UBE2F: variants seen among roughly 807,000 people sequenced by gnomAD.
UBE2F encodes ubiquitin conjugating enzyme E2 F (putative).
In UBE2F, 5 loss-of-function variants were observed where a neutral mutation model predicts 29.6. That is an observed-to-expected ratio of 0.17 (90% CI 0.09 to 0.36). UBE2F has a LOEUF of 0.36. Among genes scored for constraint, UBE2F ranks in the 10% least tolerant of loss-of-function variants. UBE2F has a pLI of 1.00. For missense variants in UBE2F, 141 were observed against 228.5 expected, an observed-to-expected ratio of 0.62 and a Z score of 2.47; for synonymous variants, 66 against 81.8, an observed-to-expected ratio of 0.81 and a Z score of 1.04.
In UBE2F at chr2:237,980,302, A is replaced by G. The variant is rs114052207; in HGVS notation, c.118+7077A>G. 2.0e-3 allele frequency among the ~76,000 whole-genome samples: 299 copies of G among 152,312 alleles called. 2 individuals carry two copies. The highest frequency in any genetic ancestry group is 6.8e-3 in the African/African-American group (282 of 41,564). On this transcript the variant is annotated intron_variant, in intron 2 of 9. Coordinates refer to ENST00000272930, the MANE Select transcript of UBE2F (RefSeq NM_080678.3). The stretch of plus-strand genomic sequence containing the variant: ...GCTTGGGCTGCTGTAACAAAGGACC[A>G]TAGATGGTTTGGCCTAAACAATAGG...
chr2:237,990,403 CT>C (rs759256844), intron 3 of UBE2F: 89,995 of 388,116 alleles, frequency 0.23, 42 homozygotes, highest in South Asian at 0.33. Flanking sequence ...ACATGTAAAC[CT>C]TTTTTTTTTT....
chr2:237,975,051 C>G (rs1032338985), intron 2 of UBE2F, among the ~76,000 whole-genome samples: 2 of 151,906 alleles, frequency 1.3e-5, no homozygotes, highest in Non-Finnish European at 2.9e-5. Context: ...GGATTACAGA[C>G]GTGAGCCACT....
intron 1 of UBE2F, among the ~76,000 whole-genome samples, chr2:237,968,291 A>G (rs2063102305): frequency 6.6e-6 from 1 of 152,130 alleles, no homozygotes; most frequent in South Asian, 2.1e-4. Context: ...CCTTTCAGGT[A>G]GTAGGCAGTG....
rs1211410617 is a variant in UBE2F, at chr2:237,967,041, T to C, written c.-108T>C. 2.3e-6 allele frequency: 3 copies of C among 1,297,258 alleles called. No individual in the cohort carries two copies. The highest frequency in any genetic ancestry group is 2.1e-5 in the South Asian group (1 of 48,118). 80.4% of individuals were successfully genotyped at this position (1,297,258 alleles called of 1,614,324 possible). A position where few individuals can be genotyped will look rare whatever the true frequency, so the allele number is the denominator to read the frequency against. ...TTCCGGTCCCGCCGCCGGGAGCCGG[T>C]GCGGCTGTGAGGGGCCGCGTCTCGC... On this transcript the variant is annotated 5_prime_UTR_variant, in exon 1 of 10. Transcript: ENST00000272930. The surrounding 1 kb of genome is among the most constrained non-coding windows in gnomAD (Gnocchi z 6.3).
chr2:237,995,546 T>G (rs531071484), intron 4 of UBE2F, among the ~76,000 whole-genome samples: 1 of 152,266 alleles, frequency 6.6e-6, no homozygotes, highest in South Asian at 2.1e-4. Context: ...GGTGGAAATA[T>G]AGGGTGTTAT....
chr2:237,971,227 T>G (rs1206590398), intron 1 of UBE2F, among the ~76,000 whole-genome samples: 2 of 152,232 alleles, frequency 1.3e-5, no homozygotes, highest in African/African-American at 2.4e-5. Flanking sequence ...AATTTTTAGA[T>G]CATTTTCTGT....
chr2:238,039,112 G>A (rs1453292413), intron 9 of UBE2F, among the ~76,000 whole-genome samples: 4 of 152,204 alleles, frequency 2.6e-5, no homozygotes, highest in African/African-American at 7.2e-5. Context: ...GCAGGCACTT[G>A]TAATTCCACC....
intron 2 of UBE2F, among the ~76,000 whole-genome samples, chr2:237,985,086 G>A (rs1268126200): frequency 6.6e-6 from 1 of 151,884 alleles, no homozygotes; most frequent in South Asian, 2.1e-4. Context: ...CTCCTGCCTC[G>A]GCCTCCCAAA....
chr2:238,040,028 C>T lies in UBE2F; in HGVS notation c.508-1260C>T, dbSNP rs2064805375. Among the ~76,000 whole-genome samples, 1 of 152,196 alleles carries T rather than the reference C, an allele frequency of 6.6e-6. No homozygotes were observed. Among genetic ancestry groups the T allele is most frequent in the African/African-American group, 2.4e-5 (1 of 41,446 alleles). Reference sequence around the variant, plus strand: ...GCGGGGTAAAGGCCCATGTGGGAGGCTCCAAACGCCATCCTGTAGACAAAT... The same window carrying T: ...GCGGGGTAAAGGCCCATGTGGGAGGTTCCAAACGCCATCCTGTAGACAAAT... On this transcript the variant is annotated intron_variant, in intron 9 of 9. Coordinates refer to ENST00000272930, the MANE Select transcript of UBE2F (RefSeq NM_080678.3). This position sits in a 1 kb window ranked among gnomAD's most constrained non-coding sequence, Gnocchi z 4.4.
At chr2:237,984,031 T>G (rs2063429333) in intron 2 of UBE2F, among the ~76,000 whole-genome samples, 1 of 149,982 alleles carries the variant, frequency 6.7e-6, no homozygotes, top group Non-Finnish European at 1.5e-5. Flanking sequence ...TTCTTCCCCC[T>G]CCCCTACTCC....
Position 237,967,098 on chromosome 2 carries a change from C to G in UBE2F, c.-51C>G. On this transcript the variant is annotated 5_prime_UTR_variant, in exon 1 of 10. Coordinates refer to ENST00000272930, the MANE Select transcript of UBE2F (RefSeq NM_080678.3). The surrounding 1 kb of genome is among the most constrained non-coding windows in gnomAD (Gnocchi z 6.3). The stretch of plus-strand genomic sequence containing the variant: ...CGCCCGGACCGGGCATGGTGTTGGG[C>G]GCCGGGCCCGCCTCGCCTGTCTCGG... The G allele has an allele frequency of 7.4e-7, 1 of 1,344,816 alleles. No individual in the cohort carries two copies. The allele number at this position is 1,344,816 out of a possible 1,614,324, so 83.3% of individuals were successfully genotyped here.
chr2:237,976,714 C>A (rs769856593), intron 2 of UBE2F, among the ~76,000 whole-genome samples: 3 of 152,174 alleles, frequency 2.0e-5, no homozygotes, highest in Non-Finnish European at 4.4e-5. Flanking sequence ...TCCCTAGAGG[C>A]CCCACCTCTT....
At chr2:238,009,417 TTC>T (rs1270628227) in intron 4 of UBE2F, among the ~76,000 whole-genome samples, 1 of 152,242 alleles carries the variant, frequency 6.6e-6, no homozygotes, top group Non-Finnish European at 1.5e-5. Flanking sequence ...GTCGCAGGTC[TTC>T]GTTCACTTTT....
At chr2:237,976,573 G>C (rs1419081660) in intron 2 of UBE2F, among the ~76,000 whole-genome samples, 1 of 152,058 alleles carries the variant, frequency 6.6e-6, no homozygotes, top group Non-Finnish European at 1.5e-5. Context: ...CTGCTTCAAA[G>C]ATAGCACCTT....
intron 1 of UBE2F, among the ~76,000 whole-genome samples, chr2:237,968,518 T>C (rs1576582072): frequency 6.6e-6 from 1 of 152,324 alleles, no homozygotes; most frequent in East Asian, 1.9e-4. Flanking sequence ...ATGCTTGGAT[T>C]GAGACGTCTC....
chr2:237,994,718 T>TTCC, intron 3 of UBE2F, 26 bp from the exon 4 acceptor site: 1 of 1,608,768 alleles, frequency 6.2e-7, no homozygotes, highest in South Asian at 1.1e-5. Flanking sequence ...CTGCCAGACC[T>TTCC]TCCTGATGTG....
chr2:238,001,581 G>C (rs2063794394), intron 4 of UBE2F, among the ~76,000 whole-genome samples: 1 of 152,074 alleles, frequency 6.6e-6, no homozygotes, highest in African/African-American at 2.4e-5. Context: ...ATTTTGGGAG[G>C]CCAAGGCGGG....
intron 4 of UBE2F, among the ~76,000 whole-genome samples, chr2:238,013,785 T>G (rs759930433): frequency 6.6e-6 from 1 of 152,168 alleles, no homozygotes; most frequent in African/African-American, 2.4e-5. Context: ...GGATAATTCC[T>G]CTAATTGTAA....
At position 238,031,807 on chromosome 2, in the gene UBE2F, G is replaced by A. The variant is rs545602111; in HGVS notation, c.412-415G>A. 7.9e-5 allele frequency among the ~76,000 whole-genome samples: 12 copies of A among 152,306 alleles called. No homozygotes were observed. In the South Asian group the frequency reaches 8.3e-4, roughly 11 times the overall value. On this transcript the variant is annotated intron_variant, in intron 7 of 9. Coordinates refer to ENST00000272930, the MANE Select transcript of UBE2F (RefSeq NM_080678.3). Reference sequence around the variant, plus strand: ...GATGAGGGGTAATTAACTTATCTACGACCGCAAGAGGCAGTAGATGTAAAA... The same window carrying A: ...GATGAGGGGTAATTAACTTATCTACAACCGCAAGAGGCAGTAGATGTAAAA...
Sources: allele counts gnomAD v4.1 joint callset (sites outside exome capture counted in the v4.1 genomes callset), GRCh38; gene constraint gnomAD v4.1.1; non-coding constraint Gnocchi (gnomAD v3.1); transcripts MANE v1.5; gene names NCBI Gene and HGNC (gene_info 2026-07-23, HGNC 2026-07-21).